The following ABL1 variants were observed in gnomAD, a reference collection of about 807,000 sequenced individuals.
The protein encoded by ABL1 is ABL proto-oncogene 1, non-receptor tyrosine kinase, also known as tyrosine-protein kinase ABL1.
ABL1 carries 11 observed loss-of-function variants against 94.7 expected under a neutral mutation model. The ratio of observed to expected loss-of-function variants is 0.12; its 90% CI spans 0.07 to 0.19. ABL1 has a LOEUF of 0.19. Among genes scored for constraint, ABL1 ranks in the 10% least tolerant of loss-of-function variants. ABL1 has a pLI of 1.00. For missense variants in ABL1, 1,082 were observed against 1,489.4 expected, an observed-to-expected ratio of 0.73 and a Z score of 4.50; for synonymous variants, 656 against 622.4, an observed-to-expected ratio of 1.05 and a Z score of -0.80.
chr9:130,721,822 G>GT (rs746954089), intron 1 of ABL1, among the ~76,000 whole-genome samples: 48,340 of 120,826 alleles, frequency 0.4, 9,831 homozygotes, highest in East Asian at 0.6. Context: ...GTTTTTTTTT[G>GT]TTTTTTTTTT....
rs2133038556 is a variant in ABL1 at position 130,885,057 on chromosome 9, G to A, written c.2767G>A (p.Ala923Thr). ...CTCGCAGAGCCCGAGCCAGGAGGCG[G>A]CCGGGGAGGCAGTCCTGGGCGCAAA... is the stretch of plus-strand genomic sequence containing the variant. ...KPSQSPSQEA[A>T]GEAVLGAKTK... The change falls in exon 11 of 11, where the codon GCC becomes ACC. Residue 923 changes from alanine to threonine, a missense_variant. Around this residue, in one of 7 missense-constraint regions of ABL1, gnomAD observed 780 missense variants for 835.8 expected, o/e 0.93. Transcript: ENST00000318560. The A allele has an allele frequency of 5.6e-6, 9 of 1,610,002 alleles. No individual in the cohort carries two copies. The highest frequency in any genetic ancestry group is 7.6e-6 in the Non-Finnish European group (9 of 1,178,228).
chr9:130,830,347 T>C (rs1588256437), upstream of ABL1, among the ~76,000 whole-genome samples: 1 of 152,218 alleles, frequency 6.6e-6, no homozygotes, highest in African/African-American at 2.4e-5. Flanking sequence ...GACAGTCATC[T>C]GTGCAGCCTG....
chr9:130,840,322 T>C lies in ABL1; in HGVS notation c.79+4797T>C, dbSNP rs59206110. ...CACCCTCTGTTATTCCCGTAGTGAATATTTTCATTGTGGAAGAGAAATTCC... is the reference window on the plus strand; with the variant it reads ...CACCCTCTGTTATTCCCGTAGTGAACATTTTCATTGTGGAAGAGAAATTCC... On this transcript the variant is annotated intron_variant, in intron 1 of 10. Transcript: ENST00000318560. 1.4e-4 allele frequency among the ~76,000 whole-genome samples: 22 copies of C among 152,366 alleles called. 1 individual carries two copies. The East Asian group carries it at 4.2e-3, about 29-fold the overall frequency.
chr9:130,727,205 GTACT>G (rs1831597926), intron 1 of ABL1, among the ~76,000 whole-genome samples: 1 of 149,464 alleles, frequency 6.7e-6, no homozygotes, highest in Non-Finnish European at 1.5e-5. Context: ...TTTTTATTTT[GTACT>G]TACTTCATCT....
In ABL1 at chr9:130,878,097, G is replaced by A. The variant is rs144698333; in HGVS notation, c.1271-318G>A. ...CAAAGTGCTGGGATTACAGGTGTGA[G>A]CCACCGTGCCCGGCCCCTAATTTTT... is the stretch of plus-strand genomic sequence containing the variant. On this transcript the variant is annotated intron_variant, in intron 7 of 10. Coordinates refer to ENST00000318560, the MANE Select transcript of ABL1 (RefSeq NM_005157.6). Among the ~76,000 whole-genome samples, 808 of 152,274 alleles carry A rather than the reference G, an allele frequency of 5.3e-3. 9 individuals carry two copies. Among genetic ancestry groups the A allele is most frequent in the African/African-American group, 0.018 (761 of 41,552 alleles).
chr9:130,725,886 C>T (rs1456631523), intron 1 of ABL1, among the ~76,000 whole-genome samples: 1 of 127,354 alleles, frequency 7.9e-6, no homozygotes, highest in African/African-American at 2.9e-5. Context: ...GACTGGAGTG[C>T]AGTGGTGTGA....
intron 1 of ABL1, among the ~76,000 whole-genome samples, chr9:130,770,695 G>A (rs1002427122): frequency 6.6e-6 from 1 of 152,184 alleles, no homozygotes; most frequent in African/African-American, 2.4e-5. Context: ...GCTTAGAACA[G>A]TTACAGCACA....
chr9:130,848,517 C>CAA (rs34492912), intron 1 of ABL1, among the ~76,000 whole-genome samples: 56 of 86,536 alleles, frequency 6.5e-4, no homozygotes, highest in Non-Finnish European at 1.2e-3. Context: ...GACTCCAACT[C>CAA]AAAAAAAAAA....
chr9:130,857,210 G>A (rs1047780713), intron 3 of ABL1, among the ~76,000 whole-genome samples: 13 of 152,208 alleles, frequency 8.5e-5, no homozygotes, highest in Non-Finnish European at 1.8e-4. Context: ...GTAAGTGTGT[G>A]CAGATAAGTT....
intron 1 of ABL1, among the ~76,000 whole-genome samples, chr9:130,727,113 A>G (rs1831596313): frequency 6.6e-6 from 1 of 152,160 alleles, no homozygotes; most frequent in South Asian, 2.1e-4. Flanking sequence ...TTTGTAGTTG[A>G]AAAAAGTTTG....
intron 7 of ABL1, among the ~76,000 whole-genome samples, chr9:130,876,981 C>T (rs1293266408): frequency 1.4e-5 from 2 of 147,804 alleles, no homozygotes; most frequent in Non-Finnish European, 3.0e-5. Context: ...TCGTGATCCG[C>T]CCACCTTGGC....
Position 130,880,550 on chromosome 9 carries a change from T to A in ABL1, c.1564T>A (p.Leu522Met). Residue 522 changes from leucine to methionine, a missense_variant, in exon 10 of 11, where the codon TTG (leucine) becomes ATG (methionine). Transcript: ENST00000318560. This position sits in a 1 kb window ranked among gnomAD's most constrained non-coding sequence, Gnocchi z 4.4. ...KQGVRGAVST[L>M]LQAPELPTKT... ...AGGCGTCCGTGGGGCTGTGAGTACC[T>A]TGCTGCAGGCCCCAGAGCTGCCCAC... 1 of 1,613,854 alleles carries A rather than the reference T, an allele frequency of 6.2e-7. No individual in the cohort carries two copies. Among genetic ancestry groups the A allele is most frequent in the Non-Finnish European group, 8.5e-7 (1 of 1,179,898 alleles).
chr9:130,792,078 C>T (rs1829915389), intron 1 of ABL1, among the ~76,000 whole-genome samples: 1 of 152,108 alleles, frequency 6.6e-6, no homozygotes, highest in Admixed American at 6.6e-5. Context: ...CAAGCCTAGA[C>T]TTAAACCGAG....
Position 130,872,572 on chromosome 9 carries a change from G to C in ABL1, c.908-288G>C, listed in dbSNP as rs1831272130. On this transcript the variant is annotated intron_variant, in intron 5 of 10. Transcript: ENST00000318560. This position sits in a 1 kb window ranked among gnomAD's most constrained non-coding sequence, Gnocchi z 5.0. ...AGACCTAACCATTCAGGGGTAAACT[G>C]ACGGTGGTGAAGGTCATTTGAGGTG... 6.6e-6 allele frequency among the ~76,000 whole-genome samples: 1 copy of C among 152,186 alleles called. No homozygotes were observed. The highest frequency in any genetic ancestry group is 6.5e-5 in the Admixed American group (1 of 15,280).
chr9:130,767,721 C>T (rs1013114645), intron 1 of ABL1, among the ~76,000 whole-genome samples: 2 of 152,230 alleles, frequency 1.3e-5, no homozygotes, highest in African/African-American at 4.8e-5. Flanking sequence ...AGAGCAGCCA[C>T]AGGCCAGCTC....
chr9:130,727,306 A>G (rs749222031), intron 1 of ABL1, among the ~76,000 whole-genome samples: 19 of 151,752 alleles, frequency 1.3e-4, no homozygotes, highest in Non-Finnish European at 2.2e-4. Context: ...AGCTCAAGCA[A>G]TCTGCCCTCC....
In ABL1 at chr9:130,874,998, A is replaced by T; in HGVS notation, c.1216A>T (p.Thr406Ser). 6.2e-7 allele frequency: 1 copy of T among 1,614,136 alleles called. No homozygotes were observed. Among genetic ancestry groups the T allele is most frequent in the Non-Finnish European group, 8.5e-7 (1 of 1,180,024 alleles). ...TGGAGCCAAGTTCCCCATCAAATGG[A>T]CTGCACCCGAGAGCCTGGCCTACAA... is the stretch of plus-strand genomic sequence containing the variant. The part of the protein sequence containing the change: ...HAGAKFPIKW[T>S]APESLAYNKF... The change falls in exon 7 of 11, where the codon ACT (threonine) becomes TCT (serine). Residue 406 changes from threonine (T) to serine (S), a missense_variant. Physicochemically the swap from Thr to Ser is moderately conservative, Grantham distance 58 (BLOSUM62 1). Transcript: ENST00000318560.
At position 130,746,588 on chromosome 9, in the gene ABL1, T is replaced by C. The variant is rs1831891238; in HGVS notation, c.136+32133T>C. ...GAGCGTAATGCCTTTGAGATCCATC[T>C]AAATGTTGCATGTGACAACAGTTTG... On this transcript the variant is annotated intron_variant, in intron 1 of 10. Coordinates refer to the ABL1 transcript ENST00000372348. Among the ~76,000 whole-genome samples the C allele has an allele frequency of 2.0e-5, 3 of 151,456 alleles. No homozygotes were observed. The South Asian group carries it at 6.3e-4, about 32-fold the overall frequency.
chr9:130,875,048 C>G lies in ABL1; in HGVS notation c.1266C>G (p.Val422=). 1 of 1,614,138 alleles carries G rather than the reference C, an allele frequency of 6.2e-7. No individual in the cohort carries two copies. Among genetic ancestry groups the G allele is most frequent in the Non-Finnish European group, 8.5e-7 (1 of 1,180,000 alleles). ...AYNKFSIKSD[V]WAFGVLLWEI... Reference sequence around the variant, plus strand: ...ACAAGTTCTCCATCAAGTCCGACGTCTGGGGTAAGGGCTGCTGCTGCACTG... The same window carrying G: ...ACAAGTTCTCCATCAAGTCCGACGTGTGGGGTAAGGGCTGCTGCTGCACTG... The change falls in exon 7 of 11, where the codon GTC becomes GTG. Residue 422 remains valine (V), a synonymous_variant. Coordinates refer to ENST00000318560, the MANE Select transcript of ABL1 (RefSeq NM_005157.6).
Sources: gnomAD v4.1 joint callset for allele counts (sites outside exome capture counted in the v4.1 genomes callset) on GRCh38, gnomAD v4.1.1 for gene constraint, gnomAD v4.1.1 regional missense constraint, Gnocchi (gnomAD v3.1) non-coding constraint, MANE v1.5 for transcripts, NCBI Gene and HGNC (gene_info 2026-07-23, HGNC 2026-07-21) for gene names.